Variants in TEX9 observed in about 807,000 individuals in gnomAD.
TEX9 encodes testis-expressed protein 9.
In TEX9, 74 loss-of-function variants were observed where a neutral mutation model predicts 59.6. The ratio of observed to expected loss-of-function variants is 1.24; its 90% CI spans 1.03 to 1.51. TEX9 has a LOEUF of 1.51. Among genes scored for constraint, TEX9 ranks in the 40% most tolerant of loss-of-function variants. The probability of loss-of-function intolerance (pLI) is 0.00; values close to 1 mark genes in which losing one functional copy is unlikely to be tolerated. For missense variants in TEX9, 522 were observed against 447.8 expected (o/e 1.17, Z -1.49); for synonymous variants, 186 against 152.2 (o/e 1.22, Z -1.64).
intron 1 of TEX9, among the ~76,000 whole-genome samples, chr15:56,302,902 G>A (rs1454659948): frequency 2.6e-5 from 4 of 152,298 alleles, no homozygotes; most frequent in African/African-American, 9.6e-5. Context: ...AGAAAGAACA[G>A]GAGTCATTAT....
intron 3 of TEX9, among the ~76,000 whole-genome samples, chr15:56,379,882 C>G (rs1163537519): frequency 6.9e-6 from 1 of 145,706 alleles, no homozygotes; most frequent in African/African-American, 2.5e-5. Flanking sequence ...TGTAGAATAT[C>G]TTTTTCTACC....
chr15:56,299,539 G>A (rs900903272), intron 1 of TEX9, among the ~76,000 whole-genome samples: 4 of 152,162 alleles, frequency 2.6e-5, no homozygotes, highest in Non-Finnish European at 2.9e-5. Flanking sequence ...ATGACCTAGC[G>A]ATATACCAAC....
chr15:56,336,034 G>A (rs2046249851), intron 1 of TEX9, among the ~76,000 whole-genome samples: 2 of 152,128 alleles, frequency 1.3e-5, no homozygotes, highest in African/African-American at 4.8e-5. Context: ...GATTTTACCT[G>A]CATAAAGTCC....
intron 3 of TEX9, chr15:56,374,284 CA>C (rs1216210075): frequency 6.6e-6 from 1 of 152,066 alleles, no homozygotes; most frequent in African/African-American, 2.4e-5. Context: ...AAATAAAAAA[CA>C]GAATAGAAAA....
chr15:56,454,809 CCTTTT>C, the TEX9 span, among the ~76,000 whole-genome samples: 4 of 152,094 alleles, frequency 2.6e-5, no homozygotes, highest in African/African-American at 9.7e-5. Context: ...ATTTTTCTAT[CCTTTT>C]GTCTCTCCAT....
intron 1 of TEX9, among the ~76,000 whole-genome samples, chr15:56,293,569 A>G (rs1428676585): frequency 6.6e-6 from 1 of 152,142 alleles, no homozygotes; most frequent in Non-Finnish European, 1.5e-5. Flanking sequence ...TGGGGGGTGT[A>G]GTTTGGCCAC....
chr15:56,282,046 AG>A (rs1439723424), intron 1 of TEX9, among the ~76,000 whole-genome samples: 2 of 152,212 alleles, frequency 1.3e-5, no homozygotes, highest in African/African-American at 4.8e-5. Flanking sequence ...AATAAAAAAA[AG>A]ATTTTAGTAA....
intron 2 of TEX9, among the ~76,000 whole-genome samples, chr15:56,368,301 T>G (rs1417098745): frequency 1.3e-5 from 2 of 152,178 alleles, no homozygotes; most frequent in Admixed American, 6.5e-5. Flanking sequence ...TTGTTTTCCT[T>G]TAAAGACTGC....
chr15:56,358,262 A>T (rs1035649579), intron 1 of TEX9, among the ~76,000 whole-genome samples: 7 of 152,006 alleles, frequency 4.6e-5, no homozygotes, highest in Non-Finnish European at 5.9e-5. Flanking sequence ...TGTGGGGAAG[A>T]GATCTGGAGA....
chr15:56,376,018 C>T (rs891310108), intron 3 of TEX9, among the ~76,000 whole-genome samples: 13 of 145,108 alleles, frequency 9.0e-5, no homozygotes, highest in Admixed American at 7.3e-5. Context: ...GGGAATTGAA[C>T]GATGAGAACA....
At chr15:56,402,774 G>C (rs1230185607) in intron 9 of TEX9, among the ~76,000 whole-genome samples, 1 of 152,146 alleles carries the variant, frequency 6.6e-6, no homozygotes, top group East Asian at 1.9e-4. Flanking sequence ...ATATCAAAAA[G>C]CTTATCCAAC....
chr15:56,424,762 G>A (rs565539597), intron 10 of TEX9, among the ~76,000 whole-genome samples: 1 of 152,240 alleles, frequency 6.6e-6, no homozygotes, highest in South Asian at 2.1e-4. Context: ...AGAATGAAAA[G>A]TGAAAGAATG....
intron 8 of TEX9, 111 bp from the exon 9 acceptor site, chr15:56,394,550 C>A: frequency 2.4e-6 from 2 of 836,442 alleles, no homozygotes; most frequent in South Asian, 1.9e-5. Flanking sequence ...ATTTGTTTTT[C>A]ATGAAACGTG....
At chr15:56,394,230 T>C (rs1209327963) in exon 8 of TEX9, 12 of 1,606,426 alleles carry the variant, frequency 7.5e-6, no homozygotes, top group Admixed American at 1.7e-5. Flanking sequence ...TAATGTTGTA[T>C]GTGAATGCAA....
At chr15:56,364,121 G>C (rs2046846333), upstream of TEX9, among the ~76,000 whole-genome samples, 1 of 151,768 alleles carries the variant, frequency 6.6e-6, no homozygotes, top group South Asian at 2.1e-4. Flanking sequence ...TTTTAGTTTT[G>C]ATAATGTCTA....
At chr15:56,433,442 A>T (rs1409152947) in intron 12 of TEX9, among the ~76,000 whole-genome samples, 2 of 151,906 alleles carry the variant, frequency 1.3e-5, no homozygotes, top group African/African-American at 4.8e-5. Context: ...AATAATTAAA[A>T]AGATGGAATG....
chr15:56,360,843 C>T (rs921850265), upstream of TEX9, among the ~76,000 whole-genome samples: 3 of 152,172 alleles, frequency 2.0e-5, no homozygotes, highest in Admixed American at 1.3e-4. Flanking sequence ...CTTTATACTC[C>T]GGGGCCCTCT....
At chr15:56,362,946 A>G (rs1220507335), upstream of TEX9, among the ~76,000 whole-genome samples, 3 of 152,250 alleles carry the variant, frequency 2.0e-5, no homozygotes, top group Non-Finnish European at 4.4e-5. Context: ...TCATTTCTGA[A>G]TAATATTCCA....
At chr15:56,379,140 G>C (rs2047605042) in intron 3 of TEX9, among the ~76,000 whole-genome samples, 1 of 151,690 alleles carries the variant, frequency 6.6e-6, no homozygotes, top group African/African-American at 2.4e-5. Context: ...GCATTGCTAA[G>C]TCATTTATTT....
Sources: gnomAD v4.1 joint callset for allele counts (sites outside exome capture counted in the v4.1 genomes callset) on GRCh38, gnomAD v4.1.1 for gene constraint, MANE v1.5 for transcripts, NCBI Gene and HGNC (gene_info 2026-07-23, HGNC 2026-07-21) for gene names.